KCNN3: variants seen among roughly 807,000 people sequenced by gnomAD.
KCNN3 encodes potassium calcium-activated channel subfamily N member 3.
A neutral mutation model predicts 62.9 loss-of-function variants in KCNN3; 16 were observed. The ratio of observed to expected loss-of-function variants is 0.25; its 90% CI spans 0.17 to 0.39. The LOEUF is 0.39. Among genes scored for constraint, KCNN3 ranks in the 10% least tolerant of loss-of-function variants. The pLI, the probability that KCNN3 is intolerant of heterozygous loss-of-function variation, is 1.00. For missense variants in KCNN3, 599 were observed against 949.4 expected, an observed-to-expected ratio of 0.63 and a Z score of 4.85; for synonymous variants, 370 against 389.2, an observed-to-expected ratio of 0.95 and a Z score of 0.58.
At chr1:154,822,214 G>T (rs1194640047) in intron 1 of KCNN3, 30 bp from the exon 2 acceptor site, 2 of 1,492,600 alleles carry the variant, frequency 1.3e-6, no homozygotes, top group East Asian at 4.5e-5. Flanking sequence ...AGAGAATTAG[G>T]GAGTGCGGGG....
intron 6 of KCNN3, 149 bp from the exon 7 acceptor site, chr1:154,713,682 C>T: frequency 1.4e-6 from 1 of 701,914 alleles, no homozygotes; most frequent in Non-Finnish European, 2.6e-6. Context: ...CTTTTACTTT[C>T]CAGGGGCTTG....
At chr1:154,829,333 T>A (rs193071763) in intron 1 of KCNN3, among the ~76,000 whole-genome samples, 1 of 152,322 alleles carries the variant, frequency 6.6e-6, no homozygotes, top group East Asian at 1.9e-4. Context: ...ACGGCAGAGC[T>A]CAAGAATGGA....
At chr1:154,790,128 T>A (rs1257907604) in intron 2 of KCNN3, among the ~76,000 whole-genome samples, 1 of 152,102 alleles carries the variant, frequency 6.6e-6, no homozygotes. Flanking sequence ...TATGGCAACA[T>A]ATATGTTGGC....
At chr1:154,719,017 G>A (rs960752833) in intron 5 of KCNN3, among the ~76,000 whole-genome samples, 1 of 152,052 alleles carries the variant, frequency 6.6e-6, no homozygotes, top group Non-Finnish European at 1.5e-5. Flanking sequence ...ACTTGCTCTG[G>A]CCACCTCTCT....
At chr1:154,860,951 G>GTTT (rs761437574) in intron 1 of KCNN3, among the ~76,000 whole-genome samples, 21,222 of 111,810 alleles carry the variant, frequency 0.19, 2,800 homozygotes, top group East Asian at 0.53. Context: ...TGCCACCCAA[G>GTTT]TTTTTTTTTT....
intron 3 of KCNN3, among the ~76,000 whole-genome samples, chr1:154,734,365 C>G (rs1253369447): frequency 6.6e-6 from 1 of 152,212 alleles, no homozygotes; most frequent in Non-Finnish European, 1.5e-5. Context: ...ACCAAACCTA[C>G]TAGGCTGGAT....
intron 3 of KCNN3, among the ~76,000 whole-genome samples, chr1:154,769,192 A>G (rs1648436994): frequency 6.6e-6 from 1 of 152,110 alleles, no homozygotes; most frequent in South Asian, 2.1e-4. Flanking sequence ...CCCTCAGGCA[A>G]GGTACCTCTC....
intron 1 of KCNN3, among the ~76,000 whole-genome samples, chr1:154,849,163 C>T (rs940123405): frequency 6.6e-6 from 1 of 152,180 alleles, no homozygotes; most frequent in African/African-American, 2.4e-5. Context: ...CTGTTTCTCC[C>T]CCTGCCAGGA....
intron 1 of KCNN3, among the ~76,000 whole-genome samples, chr1:154,855,166 C>T (rs373807025): frequency 4.6e-5 from 7 of 151,772 alleles, no homozygotes; most frequent in African/African-American, 1.5e-4. Flanking sequence ...TGCAGTGAGC[C>T]GAGATCGTGC....
At chr1:154,843,111 A>C (rs1272387823) in intron 1 of KCNN3, among the ~76,000 whole-genome samples, 1 of 152,158 alleles carries the variant, frequency 6.6e-6, no homozygotes, top group African/African-American at 2.4e-5. Flanking sequence ...CCCAGCCCAT[A>C]GACATAGATG....
intron 5 of KCNN3, among the ~76,000 whole-genome samples, chr1:154,716,865 C>G (rs1255948849): frequency 6.6e-6 from 1 of 152,158 alleles, no homozygotes; most frequent in Non-Finnish European, 1.5e-5. Context: ...GGAAGGGAAG[C>G]CTTGCTCTCT....
At chr1:154,764,137 A>T (rs2101830362) in intron 3 of KCNN3, among the ~76,000 whole-genome samples, 1 of 152,312 alleles carries the variant, frequency 6.6e-6, no homozygotes, top group African/African-American at 2.4e-5. Flanking sequence ...TTGCTTTTAA[A>T]TCTCATCTAA....
chr1:154,867,725 C>T lies in KCNN3; in HGVS notation c.933+1307G>A, dbSNP rs555176562. 4.7e-5 allele frequency among the ~76,000 whole-genome samples: 7 copies of T among 149,886 alleles called. No individual in the cohort carries two copies. The South Asian group carries it at 1.5e-3, about 32-fold the overall frequency. ...GATGGCCAGCCCGCCCAGCCACCCC[C>T]CCACCAAGCCACCCCCTGCCCCAAA... On this transcript the variant is annotated intron_variant, in intron 1 of 7. Transcript: ENST00000271915.
At chr1:154,855,921 T>C (rs1027011774) in intron 1 of KCNN3, among the ~76,000 whole-genome samples, 2 of 152,096 alleles carry the variant, frequency 1.3e-5, no homozygotes, top group Non-Finnish European at 2.9e-5. Context: ...CTTAGCTGAG[T>C]GATCCCACAG....
chr1:154,795,993 G>A (rs1171273997), intron 2 of KCNN3, among the ~76,000 whole-genome samples: 1 of 152,190 alleles, frequency 6.6e-6, no homozygotes, highest in Admixed American at 6.5e-5. Flanking sequence ...TTCAGACAAG[G>A]ACAAGGTCCA....
At position 154,717,613 on chromosome 1, in the gene KCNN3, G is replaced by A. The variant is rs144671207; in HGVS notation, c.1702-2610C>T. 9.7e-3 allele frequency among the ~76,000 whole-genome samples: 1,468 copies of A among 151,730 alleles called. 9 individuals are homozygous for A. The highest frequency in any genetic ancestry group is 0.015 in the Non-Finnish European group (990 of 67,972). ...CAATGTGACAGAACACGGAGTCCAGGTCCTGCACTTAACGTCAGCCCAAAT... is the reference window on the plus strand; with the variant it reads ...CAATGTGACAGAACACGGAGTCCAGATCCTGCACTTAACGTCAGCCCAAAT... On this transcript the variant is annotated intron_variant, in intron 5 of 7. Coordinates refer to ENST00000271915, the MANE Select transcript of KCNN3 (RefSeq NM_002249.6).
intron 5 of KCNN3, among the ~76,000 whole-genome samples, chr1:154,724,824 T>C (rs1700425956): frequency 6.6e-6 from 1 of 152,144 alleles, no homozygotes; most frequent in Non-Finnish European, 1.5e-5. Context: ...TGATGAACAA[T>C]TTTATTTAGG....
chr1:154,818,696 T>G (rs898656800), intron 2 of KCNN3, among the ~76,000 whole-genome samples: 5 of 152,240 alleles, frequency 3.3e-5, no homozygotes, highest in African/African-American at 1.2e-4. Context: ...CTGAAGCTGC[T>G]GGCACCCTAA....
In KCNN3 at chr1:154,772,359, C is replaced by T; in HGVS notation, c.1064G>A (p.Arg355Gln). 10 of 1,614,154 alleles carry T rather than the reference C, an allele frequency of 6.2e-6. No homozygotes were observed. Among genetic ancestry groups the T allele is most frequent in the Non-Finnish European group, 8.5e-6 (10 of 1,180,022 alleles). ...FVIDNGADDW[R>Q]IAMTYERILY... is the part of the protein sequence containing the mutation. ...GATGCGCTCGTAGGTCATGGCTATC[C>T]GCCAGTCATCCGCGCCATTGTCGAT... Residue 355 changes from arginine (R) to glutamine (Q), a missense_variant, in exon 3 of 8, where the codon CGG (arginine) becomes CAG (glutamine). Around this residue, in one of 7 missense-constraint regions of KCNN3, gnomAD observed 288 missense variants for 557.4 expected, o/e 0.52. Transcript: ENST00000271915. The surrounding 1 kb of genome is among the most constrained non-coding windows in gnomAD (Gnocchi z 5.6).
Sources: allele counts gnomAD v4.1 joint callset (sites outside exome capture counted in the v4.1 genomes callset), GRCh38; gene constraint gnomAD v4.1.1; regional missense constraint gnomAD v4.1.1; non-coding constraint Gnocchi (gnomAD v3.1); transcripts MANE v1.5; gene names NCBI Gene and HGNC (gene_info 2026-07-23, HGNC 2026-07-21).